The following ITGAX variants were observed in gnomAD, a reference collection of about 807,000 sequenced individuals.
The protein encoded by ITGAX is integrin alpha-X.
ITGAX carries 99 observed loss-of-function variants against 140.2 expected under a neutral mutation model. The observed-to-expected ratio is 0.71, with a 90% confidence interval of 0.60 to 0.83. ITGAX has a LOEUF of 0.83. Ranked by LOEUF, ITGAX falls within the 40% of genes least tolerant of loss-of-function variation. The pLI, the probability that ITGAX is intolerant of heterozygous loss-of-function variation, is 0.00. For missense variants in ITGAX, 1,444 were observed against 1,482.0 expected (o/e 0.97, Z 0.42); for synonymous variants, 631 against 600.4 (o/e 1.05, Z -0.75).
At chr16:31,359,651 T>C (rs748925673) in intron 5 of ITGAX, 49 bp from the exon 6 acceptor site, 26 of 1,604,500 alleles carry the variant, frequency 1.6e-5, no homozygotes, top group Non-Finnish European at 2.0e-5. Context: ...GCCACGGTCC[T>C]GGACTCCAGG....
In ITGAX at chr16:31,381,881, A is replaced by T. The variant is rs368045648; in HGVS notation, c.3466A>T (p.Thr1156Ser). 4 of 890,214 alleles carry T rather than the reference A, an allele frequency of 4.5e-6. No individual in the cohort carries two copies. The African/African-American group carries it at 6.5e-5, about 14-fold the overall frequency. The allele number at this position is 890,214 out of a possible 1,614,324, so 55.1% of individuals were successfully genotyped here. ...AATTGCCCCAGAAAACGGGACACAG[A>T]CCCCCAGCCCGCCCAGTGAGAAATG... ...GQIAPENGTQTPSPPSEK is the reference protein window; with the variant it reads ...GQIAPENGTQSPSPPSEK The change falls in exon 30 of 30, where the codon ACC (threonine) becomes TCC (serine). Residue 1156 changes from threonine to serine, a missense_variant. By Grantham distance (58) the Thr-to-Ser change is moderately conservative. Transcript: ENST00000268296.
Position 31,377,232 on chromosome 16 carries a change from C to G in ITGAX, c.2756C>G (p.Pro919Arg). Reference protein sequence around the residue: ...TSKTTFQLELPVKYAVYTVVS... With the variant: ...TSKTTFQLELRVKYAVYTVVS... ...AAGACCACCTTCCAGCTGGAGCTCC[C>G]GGTGAAGTATGCTGTCTACACTGTG... Residue 919 changes from proline to arginine, a missense_variant, in exon 23 of 30, where the codon CCG (proline) becomes CGG (arginine). Coordinates refer to ENST00000268296, the MANE Select transcript of ITGAX (RefSeq NM_000887.5). 6.2e-7 allele frequency: 1 copy of G among 1,613,336 alleles called. No homozygotes were observed. Among genetic ancestry groups the G allele is most frequent in the East Asian group, 2.2e-5 (1 of 44,814 alleles).
chr16:31,362,485 C>A, intron 11 of ITGAX, 126 bp from the exon 12 acceptor site: 1 of 1,167,150 alleles, frequency 8.6e-7, no homozygotes, highest in African/African-American at 2.1e-5. Context: ...AGGATGGGGG[C>A]TGCATTGCCC....
intron 20 of ITGAX, among the ~76,000 whole-genome samples, chr16:31,375,159 G>A (rs1242927208): frequency 1.3e-5 from 2 of 152,180 alleles, no homozygotes; most frequent in African/African-American, 2.4e-5. Context: ...GGGATTACAG[G>A]TGCCCACTGC....
intron 14 of ITGAX, among the ~76,000 whole-genome samples, chr16:31,366,836 C>G (rs886293193): frequency 2.6e-5 from 4 of 152,174 alleles, no homozygotes; most frequent in African/African-American, 7.2e-5. Flanking sequence ...CACTTTAGAT[C>G]AAAACCTAGA....
chr16:31,367,415 T>C (rs768009834), intron 14 of ITGAX, among the ~76,000 whole-genome samples: 2 of 152,244 alleles, frequency 1.3e-5, no homozygotes, highest in African/African-American at 2.4e-5. Context: ...AAAGGACAAG[T>C]TGACTCTCTT....
intron 2 of ITGAX, 122 bp downstream of exon 2, chr16:31,356,120 T>C: frequency 1.5e-6 from 1 of 680,050 alleles, no homozygotes; most frequent in African/African-American, 1.8e-5. Context: ...GCGACTGCCC[T>C]GGCTAATGAA....
chr16:31,359,587 C>G (rs1237190939), intron 5 of ITGAX, 113 bp from the exon 6 acceptor site: 1 of 1,295,218 alleles, frequency 7.7e-7, no homozygotes, highest in Non-Finnish European at 1.1e-6. Flanking sequence ...CATCGCCAGA[C>G]TAGGGGCTTA....
intron 20 of ITGAX, among the ~76,000 whole-genome samples, chr16:31,376,537 G>A (rs1039417596): frequency 6.6e-6 from 1 of 152,128 alleles, no homozygotes; most frequent in Non-Finnish European, 1.5e-5. Flanking sequence ...GAGGCAAGAG[G>A]ATGGCTTGAG....
At chr16:31,370,982 C>A in intron 14 of ITGAX, 102 bp from the exon 15 acceptor site, 1 of 1,467,506 alleles carries the variant, frequency 6.8e-7, no homozygotes, top group Non-Finnish European at 9.4e-7. Flanking sequence ...CTCACCCCTT[C>A]TCTCCCTTTC....
At chr16:31,377,366 G>C (rs1336560457) in intron 23 of ITGAX, 101 bp downstream of exon 23, 1 of 955,478 alleles carries the variant, frequency 1.0e-6, no homozygotes, top group African/African-American at 1.7e-5. Flanking sequence ...GGTGAGATAA[G>C]GTGTTTGAAA....
In ITGAX at chr16:31,381,819, G is replaced by C; in HGVS notation, c.3404G>C (p.Arg1135Pro). ...AVLYKVGFFK[R>P]QYKEMMEEAN... ...CCCCCCTAGGTTGGCTTCTTCAAGC[G>C]TCAGTACAAGGAAATGATGGAGGAG... Residue 1135 changes from arginine to proline, a missense_variant, in exon 30 of 30, where the codon CGT (arginine) becomes CCT (proline). Physicochemically the swap from Arg to Pro is moderately radical, Grantham distance 103. Transcript: ENST00000268296. 1.1e-6 allele frequency: 1 copy of C among 872,774 alleles called. No homozygotes were observed. Among genetic ancestry groups the C allele is most frequent in the Non-Finnish European group, 2.0e-6 (1 of 501,824 alleles). 54.1% of individuals were successfully genotyped at this position (872,774 alleles called of 1,614,324 possible). A position where few individuals can be genotyped will look rare whatever the true frequency, so the allele number is the denominator to read the frequency against.
At chr16:31,360,131 C>T (rs1394003477) in intron 7 of ITGAX, 66 bp downstream of exon 7, 2 of 1,588,600 alleles carry the variant, frequency 1.3e-6, no homozygotes, top group East Asian at 4.5e-5. Flanking sequence ...CCTCATCTGT[C>T]TCCACGAGAA....
chr16:31,360,038 A>G lies in ITGAX; in HGVS notation c.680A>G (p.Tyr227Cys). ...GTTCACCAGCTGCAAGGGTTTACAT[A>G]CACGGCCACCGCCATCCAAAATGTC... ...ASVHQLQGFT[Y>C]TATAIQNVVH... Residue 227 changes from tyrosine (Y) to cysteine (C), a missense_variant, in exon 7 of 30, where the codon TAC (tyrosine) becomes TGC (cysteine). Tyr to Cys is a radical substitution (Grantham distance 194). Transcript: ENST00000268296. 6.2e-7 allele frequency: 1 copy of G among 1,612,340 alleles called. No individual in the cohort carries two copies. The highest frequency in any genetic ancestry group is 1.1e-5 in the South Asian group (1 of 91,082).
chr16:31,375,118 C>T (rs1404540928), intron 20 of ITGAX, among the ~76,000 whole-genome samples: 1 of 152,200 alleles, frequency 6.6e-6, no homozygotes, highest in African/African-American at 2.4e-5. Flanking sequence ...CGAATTCAAG[C>T]AATTCTTGTG....
At position 31,373,240 on chromosome 16, in the gene ITGAX, G is replaced by A. The variant is rs1360007963; in HGVS notation, c.2367-9G>A. 7 of 1,606,126 alleles carry A rather than the reference G, an allele frequency of 4.4e-6. No homozygotes were observed. The highest frequency in any genetic ancestry group is 6.0e-6 in the Non-Finnish European group (7 of 1,175,554). On this transcript the variant is annotated splice_polypyrimidine_tract_variant and intron_variant, in intron 19 of 29. Transcript: ENST00000268296. ...AATCATCTTCTCCTTTCCTTCACCT[G>A]ATACCCAGCTTGAAGTCCCTGCTGG...
intron 8 of ITGAX, 183 bp from the exon 9 acceptor site, chr16:31,360,880 C>T: frequency 1.7e-6 from 1 of 598,506 alleles, no homozygotes; most frequent in Non-Finnish European, 2.9e-6. Context: ...AAAACTCTGC[C>T]CCAGACTGGA....
rs752875776 is a variant in ITGAX, at chr16:31,382,385, A to T, written c.*478A>T. The stretch of plus-strand genomic sequence containing the variant: ...CTCAGCCTCCTGAGTAGCTGGGACT[A>T]CAGGCACACGCCACCTCGCCCGGCC... On this transcript the variant is annotated 3_prime_UTR_variant, in exon 30 of 30. Coordinates refer to ENST00000268296, the MANE Select transcript of ITGAX (RefSeq NM_000887.5). 1 of 1,501,280 alleles carries T rather than the reference A, an allele frequency of 6.7e-7. No individual in the cohort carries two copies. The highest frequency in any genetic ancestry group is 9.0e-7 in the Non-Finnish European group (1 of 1,115,866). 93.0% of individuals were successfully genotyped at this position (1,501,280 alleles called of 1,614,324 possible).
chr16:31,371,446 T>G lies in ITGAX; in HGVS notation c.1954T>G (p.Ser652Ala). The G allele has an allele frequency of 1.2e-6, 2 of 1,614,108 alleles. No homozygotes were observed. Among genetic ancestry groups the G allele is most frequent in the Non-Finnish European group, 1.7e-6 (2 of 1,180,016 alleles). The change falls in exon 16 of 30, where the codon TCC becomes GCC. Residue 652 changes from serine to alanine, a missense_variant. Coordinates refer to ENST00000268296, the MANE Select transcript of ITGAX (RefSeq NM_000887.5). ...QVVSEQTLVQSNICLYIDKRS... is the reference protein window; with the variant it reads ...QVVSEQTLVQANICLYIDKRS... ...GGTCTCTGAGCAGACCCTGGTACAGTCCAACATCTGCCTTTACATTGACAA... is the reference window on the plus strand; with the variant it reads ...GGTCTCTGAGCAGACCCTGGTACAGGCCAACATCTGCCTTTACATTGACAA...
Sources: gnomAD v4.1 joint callset for allele counts (sites outside exome capture counted in the v4.1 genomes callset) on GRCh38, gnomAD v4.1.1 for gene constraint, MANE v1.5 for transcripts, NCBI Gene and HGNC (gene_info 2026-07-23, HGNC 2026-07-21) for gene names.